IFT122: variants seen among roughly 807,000 people sequenced by gnomAD.
IFT122 encodes the protein intraflagellar transport protein 122 homolog.
In IFT122, 118 loss-of-function variants were observed where a neutral mutation model predicts 161.6. That is an observed-to-expected ratio of 0.73 (90% CI 0.63 to 0.85). The LOEUF (loss-of-function observed/expected upper bound fraction) is 0.85. Among genes scored for constraint, IFT122 ranks in the 40% least tolerant of loss-of-function variants. The pLI, the probability that IFT122 is intolerant of heterozygous loss-of-function variation, is 0.00. For missense variants in IFT122, 1,381 were observed against 1,579.6 expected, an observed-to-expected ratio of 0.87 and a Z score of 2.13; for synonymous variants, 550 against 602.4, an observed-to-expected ratio of 0.91 and a Z score of 1.27.
chr3:129,506,789 C>G (rs2082237525), intron 22 of IFT122, among the ~76,000 whole-genome samples: 1 of 152,212 alleles, frequency 6.6e-6, no homozygotes, highest in Non-Finnish European at 1.5e-5. Context: ...ATTGCTAATT[C>G]AGAGCATATC....
At chr3:129,503,711 A>T (rs1441250249) in intron 20 of IFT122, among the ~76,000 whole-genome samples, 1 of 152,206 alleles carries the variant, frequency 6.6e-6, no homozygotes, top group Non-Finnish European at 1.5e-5. Flanking sequence ...AGGTGGGGCT[A>T]GGGACAGAGG....
At chr3:129,504,207 G>C in intron 20 of IFT122, 112 bp from the exon 21 acceptor site, 1 of 879,102 alleles carries the variant, frequency 1.1e-6, no homozygotes, top group Admixed American at 1.9e-5. Flanking sequence ...CTCCCCCTCT[G>C]AGTTGTCAGG....
intron 15 of IFT122, among the ~76,000 whole-genome samples, chr3:129,484,866 C>T (rs190877284): frequency 1.2e-4 from 18 of 152,322 alleles, no homozygotes; most frequent in Admixed American, 3.9e-4. Context: ...CCTAGTTTCC[C>T]CCAACGGTAA....
In IFT122 at chr3:129,478,177, A is replaced by C. The variant is rs1287601083; in HGVS notation, c.1309A>C (p.Asn437His). ...GAAGATTATCAAGAAGTTTGAGTGC[A>C]ACCTCCTGGTGGTGTGTGCCAATCA... ...KEKIIKKFECNLLVVCANHII... is the reference protein window; with the variant it reads ...KEKIIKKFECHLLVVCANHII... The change falls in exon 12 of 30, where the codon AAC becomes CAC. Residue 437 changes from asparagine (N) to histidine (H), a missense_variant. Transcript: ENST00000348417. The C allele has an allele frequency of 1.9e-6, 3 of 1,614,206 alleles. No homozygotes were observed. The South Asian group carries it at 3.3e-5, about 18-fold the overall frequency.
At chr3:129,464,181 T>G (rs1275444389) in intron 6 of IFT122, among the ~76,000 whole-genome samples, 1 of 152,244 alleles carries the variant, frequency 6.6e-6, no homozygotes, top group African/African-American at 2.4e-5. Flanking sequence ...TAGCTATTCT[T>G]GCTGTTCAGC....
At position 129,504,318 on chromosome 3, in the gene IFT122, G is replaced by A. The variant is rs1228588876; in HGVS notation, c.2548-1G>A. The stretch of plus-strand genomic sequence containing the variant: ...AAGACTTCATTTGCTCCTTCCCCCA[G>A]GCCTTTGCTTTGGGTGAGAAGCATC... On this transcript the variant is annotated splice_acceptor_variant, in intron 20 of 29. Transcript: ENST00000348417. LOFTEE classifies it high-confidence loss of function. 1.2e-6 allele frequency: 2 copies of A among 1,612,564 alleles called. No homozygotes were observed. Among genetic ancestry groups the A allele is most frequent in the Admixed American group, 1.7e-5 (1 of 60,020 alleles).
intron 12 of IFT122, 109 bp from the exon 13 acceptor site, chr3:129,479,676 A>G: frequency 1.5e-6 from 2 of 1,331,696 alleles, no homozygotes; most frequent in Admixed American, 3.4e-5. Flanking sequence ...ATAGATGGAT[A>G]CTGAATGTGT....
intron 5 of IFT122, chr3:129,463,308 C>T (rs2076375218): frequency 4.4e-6 from 2 of 455,250 alleles, no homozygotes; most frequent in Non-Finnish European, 4.1e-6. Context: ...GTCATATCTA[C>T]TCACCTTACC....
rs549174269 is a variant in IFT122 at position 129,514,302 on chromosome 3, T to C, written c.2988-87T>C. 7.7e-5 allele frequency: 112 copies of C among 1,458,408 alleles called. 2 individuals are homozygous for C. The Admixed American group carries it at 2.1e-3, about 27-fold the overall frequency. The allele number at this position is 1,458,408 out of a possible 1,614,324, so 90.3% of individuals were successfully genotyped here. On this transcript the variant is annotated intron_variant, in intron 24 of 29. Coordinates refer to ENST00000348417, the MANE Select transcript of IFT122 (RefSeq NM_052989.3). ...TTCCCGGCACCAGCACAAGCTGTGT[T>C]CCAGCCTGGGGCTCACTCCAAGGAC...
chr3:129,458,633 CGTT>C lies in IFT122; in HGVS notation c.229_231del (p.Val77del). On this transcript the variant is annotated inframe_deletion, in exon 4 of 30. Coordinates refer to ENST00000348417, the MANE Select transcript of IFT122 (RefSeq NM_052989.3). ...TTGCTTCTGGATCAGCTGACAAAAG[CGTT>C]ATTATCTGGACATCAAAACTGGAAG... is the stretch of plus-strand genomic sequence containing the variant. 6.2e-7 allele frequency: 1 copy of C among 1,614,048 alleles called. No homozygotes were observed. Among genetic ancestry groups the C allele is most frequent in the Non-Finnish European group, 8.5e-7 (1 of 1,179,948 alleles).
intron 25 of IFT122, chr3:129,514,776 C>T (rs761695604): frequency 4.1e-5 from 26 of 637,644 alleles, no homozygotes; most frequent in African/African-American, 2.0e-4. Flanking sequence ...CCCCCGGCCC[C>T]GGCCTCAGCC....
chr3:129,464,613 C>T (rs1182101586), intron 6 of IFT122, 22 bp from the exon 7 acceptor site: 4 of 1,612,466 alleles, frequency 2.5e-6, no homozygotes, highest in Non-Finnish European at 3.4e-6. Context: ...ATCCCCATGC[C>T]TTTTGTTGGT....
intron 9 of IFT122, among the ~76,000 whole-genome samples, chr3:129,475,224 C>T (rs919628959): frequency 7.2e-5 from 11 of 152,138 alleles, no homozygotes; most frequent in African/African-American, 2.7e-4. Context: ...AAATTGAAAC[C>T]ACAATGAGAT....
chr3:129,516,959 C>A (rs1307950224), intron 26 of IFT122, among the ~76,000 whole-genome samples: 1 of 135,668 alleles, frequency 7.4e-6, no homozygotes, highest in Non-Finnish European at 1.6e-5. Context: ...ACAGAGACTG[C>A]CCCTACACAC....
rs982519044 is a variant in IFT122, at chr3:129,440,236, CA to C, written c.-92del. On this transcript the variant is annotated 5_prime_UTR_variant, in exon 1 of 30. Coordinates refer to ENST00000348417, the MANE Select transcript of IFT122 (RefSeq NM_052989.3). Reference sequence around the variant, plus strand: ...CGTTGCCAGGGGTAACGCAGGTAGCCAAAGTGGCTTGTGGAGTGGCGACCGT... The same window carrying C: ...CGTTGCCAGGGGTAACGCAGGTAGCCAAGTGGCTTGTGGAGTGGCGACCGT... 6.7e-7 allele frequency: 1 copy of C among 1,499,730 alleles called. No individual in the cohort carries two copies. The highest frequency in any genetic ancestry group is 1.4e-5 in the African/African-American group (1 of 72,038). 92.9% of individuals were successfully genotyped at this position (1,499,730 alleles called of 1,614,324 possible). A position where few individuals can be genotyped will look rare whatever the true frequency, so the allele number is the denominator to read the frequency against.
intron 11 of IFT122, among the ~76,000 whole-genome samples, chr3:129,477,375 T>A (rs2078079416): frequency 6.6e-6 from 1 of 152,258 alleles, no homozygotes; most frequent in Non-Finnish European, 1.5e-5. Context: ...TCAATCCACT[T>A]ACTTCAGGTG....
At chr3:129,469,987 C>T (rs374853657) in intron 9 of IFT122, among the ~76,000 whole-genome samples, 16 of 151,800 alleles carry the variant, frequency 1.1e-4, no homozygotes, top group East Asian at 5.8e-4. Flanking sequence ...TTTTGGGACA[C>T]AAAAGAGGGT....
intron 7 of IFT122, 21 bp downstream of exon 7, chr3:129,464,802 C>G (rs1252059305): frequency 1.9e-6 from 3 of 1,613,728 alleles, no homozygotes; most frequent in Non-Finnish European, 2.5e-6. Context: ...AGTTGTCCTC[C>G]TTCTAGAACA....
At chr3:129,446,888 G>T (rs943547858) in intron 1 of IFT122, among the ~76,000 whole-genome samples, 1 of 152,036 alleles carries the variant, frequency 6.6e-6, no homozygotes, top group African/African-American at 2.4e-5. Flanking sequence ...TTTGTTTTTT[G>T]TGTGTTTTGT....
Sources: gnomAD v4.1 joint callset for allele counts (sites outside exome capture counted in the v4.1 genomes callset) on GRCh38, gnomAD v4.1.1 for gene constraint, MANE v1.5 for transcripts, NCBI Gene and HGNC (gene_info 2026-07-23, HGNC 2026-07-21) for gene names.